The following RARB variants were observed in gnomAD, a reference collection of about 807,000 sequenced individuals.
The protein encoded by RARB is retinoic acid receptor beta, also known as HBV-activated protein.
In RARB, 17 loss-of-function variants were observed where a neutral mutation model predicts 51.9. The ratio of observed to expected loss-of-function variants is 0.33; its 90% confidence interval spans 0.22 to 0.49. The LOEUF (loss-of-function observed/expected upper bound fraction) is 0.49, where lower values mean the gene tolerates loss of function less well. Ranked by LOEUF, RARB falls within the 20% of genes least tolerant of loss-of-function variation. The pLI, the probability that RARB is intolerant of heterozygous loss-of-function variation, is 0.99. For synonymous variants in RARB, 215 were observed against 195.4 expected, an observed-to-expected ratio of 1.10 and a Z score of -0.84; for missense variants, 369 against 550.8, an observed-to-expected ratio of 0.67 and a Z score of 3.30.
chr3:25,500,451 C>CTTTTTTTTTTTTTTTTTT (rs1553624117), intron 2 of RARB, among the ~76,000 whole-genome samples: 3 of 49,938 alleles, frequency 6.0e-5, no homozygotes, highest in Admixed American at 4.4e-4. Context: ...TCTTTCTTTT[C>CTTTTTTTTTTTTTTTTTT]TTGTTTTTTT....
chr3:25,119,468 G>C (rs1268943735), intron 3 of RARB, among the ~76,000 whole-genome samples: 1 of 152,212 alleles, frequency 6.6e-6, no homozygotes, highest in Admixed American at 6.6e-5. Flanking sequence ...TCGATGTTAA[G>C]AGAACTTAGG....
chr3:25,264,173 A>C (rs978677968), intron 5 of RARB, among the ~76,000 whole-genome samples: 1 of 152,092 alleles, frequency 6.6e-6, no homozygotes, highest in Non-Finnish European at 1.5e-5. Flanking sequence ...TAGAAAGCCA[A>C]TGATATTTTT....
chr3:25,084,014 T>C (rs1052223438), intron 3 of RARB, among the ~76,000 whole-genome samples: 1 of 152,188 alleles, frequency 6.6e-6, no homozygotes, highest in Non-Finnish European at 1.5e-5. Flanking sequence ...AGCCCCTCAG[T>C]AGCTTTTCTC....
intron 5 of RARB, among the ~76,000 whole-genome samples, chr3:25,208,362 A>G (rs1701608531): frequency 2.0e-5 from 3 of 152,210 alleles, no homozygotes; most frequent in South Asian, 4.1e-4. Flanking sequence ...AGTCTCATCC[A>G]CTTATAGACA....
chr3:25,070,113 C>T (rs574222063), intron 3 of RARB, among the ~76,000 whole-genome samples: 1 of 152,264 alleles, frequency 6.6e-6, no homozygotes, highest in South Asian at 2.1e-4. Context: ...CTATTGGGTT[C>T]CTTGGCTTTG....
At position 25,296,689 on chromosome 3, in the gene RARB, T is replaced by C. The variant is rs141510330; in HGVS notation, c.178+122114T>C. Among the ~76,000 whole-genome samples the C allele has an allele frequency of 6.6e-5, 10 of 152,334 alleles. No homozygotes were observed. In the East Asian group the frequency reaches 1.5e-3, roughly 24 times the overall value. ...TAACTGGGAGGGTCAACTTATTCCC[T>C]GTCCAAATTGTTTACTGTTTAATTC... On this transcript the variant is annotated intron_variant, in intron 5 of 11. Transcript: ENST00000383772.
chr3:25,324,810 C>A (rs1704667772), intron 5 of RARB, among the ~76,000 whole-genome samples: 1 of 152,148 alleles, frequency 6.6e-6, no homozygotes, highest in African/African-American at 2.4e-5. Context: ...CCCCACCAAG[C>A]CCTGCCTTTT....
chr3:25,055,830 G>A (rs1176009857), intron 2 of RARB, among the ~76,000 whole-genome samples: 1 of 152,056 alleles, frequency 6.6e-6, no homozygotes, highest in Non-Finnish European at 1.5e-5. Flanking sequence ...TATGCAGCAA[G>A]CCTCCAAAAA....
intron 4 of RARB, among the ~76,000 whole-genome samples, chr3:25,164,815 T>C (rs1700534194): frequency 6.6e-6 from 1 of 152,210 alleles, no homozygotes; most frequent in South Asian, 2.1e-4. Flanking sequence ...TGTTTTTAAC[T>C]CTCTATCTTA....
intron 5 of RARB, among the ~76,000 whole-genome samples, chr3:25,317,082 C>CAA (rs59030648): frequency 2.0e-5 from 3 of 151,082 alleles, no homozygotes; most frequent in African/African-American, 7.3e-5. Context: ...TATTATAAGT[C>CAA]GTGTAAAAGA....
chr3:25,528,631 T>C (rs940312870), intron 3 of RARB, among the ~76,000 whole-genome samples: 1 of 151,964 alleles, frequency 6.6e-6, no homozygotes, highest in African/African-American at 2.4e-5. Context: ...CAAAGCAGTC[T>C]CCTTCCCCTT....
At position 25,484,138 on chromosome 3, in the gene RARB, G is replaced by T. The variant is rs868117735; in HGVS notation, c.307-17044G>T. On this transcript the variant is annotated intron_variant, in intron 2 of 7. Transcript: ENST00000330688. Reference sequence around the variant, plus strand: ...GGCAAGTAGGCTGTAGGGATTTCCAGATCTGTGCTGGCTATGTTAACTCCT... The same window carrying T: ...GGCAAGTAGGCTGTAGGGATTTCCATATCTGTGCTGGCTATGTTAACTCCT... 2.6e-5 allele frequency among the ~76,000 whole-genome samples: 4 copies of T among 152,198 alleles called. No homozygotes were observed. In the South Asian group the frequency reaches 6.2e-4, roughly 24 times the overall value.
At chr3:24,857,290 G>GT (rs1202020020) in intron 1 of RARB, among the ~76,000 whole-genome samples, 1 of 152,126 alleles carries the variant, frequency 6.6e-6, no homozygotes, top group Non-Finnish European at 1.5e-5. Context: ...CTGTTCCAAA[G>GT]TTTTTAAGTA....
chr3:25,330,085 C>A (rs1278120189), intron 5 of RARB, among the ~76,000 whole-genome samples: 3 of 152,120 alleles, frequency 2.0e-5, no homozygotes, highest in Non-Finnish European at 4.4e-5. Flanking sequence ...AGTTGGAAAA[C>A]ACTCTGCAGG....
At chr3:24,833,934 C>T (rs1289326402) in intron 1 of RARB, among the ~76,000 whole-genome samples, 1 of 152,172 alleles carries the variant, frequency 6.6e-6, no homozygotes, top group Non-Finnish European at 1.5e-5. Context: ...GTGTCCAGGC[C>T]GATATCACCT....
At chr3:25,188,856 T>G (rs867779536) in intron 5 of RARB, among the ~76,000 whole-genome samples, 6 of 152,258 alleles carry the variant, frequency 3.9e-5, no homozygotes, top group South Asian at 2.1e-4. Context: ...AAATTATATG[T>G]GTAACTTTTT....
rs1382826889 is a variant in RARB, at chr3:25,593,617, C to T, written c.901C>T (p.Leu301Phe). The T allele has an allele frequency of 6.2e-7, 1 of 1,614,088 alleles. No individual in the cohort carries two copies. The highest frequency in any genetic ancestry group is 1.1e-5 in the South Asian group (1 of 91,076). ...HNAGFGPLTD[L>F]VFTFANQLLP... Reference sequence around the variant, plus strand: ...TGCTGGATTTGGTCCTCTGACTGACCTTGTGTTCACCTTTGCCAACCAGCT... The same window carrying T: ...TGCTGGATTTGGTCCTCTGACTGACTTTGTGTTCACCTTTGCCAACCAGCT... Residue 301 changes from leucine (L) to phenylalanine (F), a missense_variant, in exon 6 of 8, where the codon CTT becomes TTT. By Grantham distance (22) the Leu-to-Phe change is conservative. Coordinates refer to ENST00000330688, the MANE Select transcript of RARB (RefSeq NM_000965.5).
chr3:24,950,398 A>C (rs1171444087), intron 2 of RARB, among the ~76,000 whole-genome samples: 1 of 152,356 alleles, frequency 6.6e-6, no homozygotes, highest in East Asian at 1.9e-4. Context: ...GGCACATTAT[A>C]GGATTCTAAG....
chr3:25,256,872 G>C (rs5012518), intron 5 of RARB, among the ~76,000 whole-genome samples: 1 of 152,104 alleles, frequency 6.6e-6, no homozygotes. Context: ...TTTAGAGGTC[G>C]TGAAGGATAG....
Sources: gnomAD v4.1 joint callset for allele counts (sites outside exome capture counted in the v4.1 genomes callset) on GRCh38, gnomAD v4.1.1 for gene constraint, MANE v1.5 for transcripts, NCBI Gene and HGNC (gene_info 2026-07-23, HGNC 2026-07-21) for gene names.